Variants in HBG2 observed in about 807,000 individuals in gnomAD.
The protein encoded by HBG2 is hemoglobin subunit gamma 2.
For missense variants in HBG2, 59 were observed against 155.7 expected (o/e 0.38, Z 3.31); for synonymous variants, 25 against 63.2 (o/e 0.40, Z 2.87).
chr11:5,254,080 A>G (rs1342313352), intron 2 of HBG2, among the ~76,000 whole-genome samples: 12 of 151,966 alleles, frequency 7.9e-5, no homozygotes, highest in African/African-American at 2.7e-4. Flanking sequence ...CTTTTCTCAA[A>G]GTCAAAGTTG....
chr11:5,254,485 C>T lies in HBG2; in HGVS notation c.122G>A (p.Arg41Lys), dbSNP rs281864892. The change falls in exon 2 of 3, where the codon AGG becomes AAG. Residue 41 changes from arginine to lysine, a missense_variant. Coordinates refer to ENST00000336906, the MANE Select transcript of HBG2 (RefSeq NM_000184.3). Reference sequence around the variant, plus strand: ...CAGGTTGCCAAAGCTGTCAAAGAACCTCTGGGTCCATGGGTAGACAACCAG... The same window carrying T: ...CAGGTTGCCAAAGCTGTCAAAGAACTTCTGGGTCCATGGGTAGACAACCAG... The part of the protein sequence containing the change: ...RLLVVYPWTQ[R>K]FFDSFGNLSS... 9.3e-6 allele frequency: 15 copies of T among 1,613,764 alleles called. No individual in the cohort carries two copies. The highest frequency in any genetic ancestry group is 1.3e-5 in the African/African-American group (1 of 74,876).
chr11:5,253,487 A>C (rs2070972), intron 2 of HBG2, 82 bp from the exon 3 acceptor site: 608,250 of 1,256,676 alleles, frequency 0.48, 149,289 homozygotes, highest in East Asian at 0.74. Flanking sequence ...ACTACACACC[A>C]AGCTTCCACC....
Position 5,253,653 on chromosome 11 carries a change from C to T in HBG2, c.316-248G>A, listed in dbSNP as rs138690459. Among the ~76,000 whole-genome samples the T allele has an allele frequency of 3.7e-3, 562 of 151,494 alleles. 2 individuals carry two copies. Among genetic ancestry groups the T allele is most frequent in the Non-Finnish European group, 6.4e-3 (433 of 67,884 alleles). ...AACCCTGTATGCTGTAGGCTGAAAA[C>T]GTTAAAAGAAACACACGCTCTCACA... On this transcript the variant is annotated intron_variant, in intron 2 of 2. Transcript: ENST00000336906.
chr11:5,254,250 C>A, intron 2 of HBG2, 42 bp downstream of exon 2: 1 of 1,613,082 alleles, frequency 6.2e-7, no homozygotes, highest in Non-Finnish European at 8.5e-7. Flanking sequence ...TAAGTTGCCT[C>A]GAGACTAAAG....
intron 2 of HBG2, among the ~76,000 whole-genome samples, chr11:5,253,830 TAGC>T (rs1412572591): frequency 1.3e-5 from 2 of 152,026 alleles, no homozygotes; most frequent in African/African-American, 2.4e-5. Flanking sequence ...AATGAAGCAT[TAGC>T]AGCATTTTAT....
intron 2 of HBG2, 55 bp from the exon 3 acceptor site, chr11:5,253,460 A>G (rs1342366915): frequency 6.8e-7 from 1 of 1,475,014 alleles, no homozygotes; most frequent in East Asian, 2.3e-5. Flanking sequence ...TGAGAGCTCC[A>G]GCCTGGCCTC....
intron 2 of HBG2, among the ~76,000 whole-genome samples, chr11:5,253,608 G>C (rs575202869): frequency 6.6e-6 from 1 of 151,758 alleles, no homozygotes; most frequent in Non-Finnish European, 1.5e-5. Flanking sequence ...TTTAAATCTT[G>C]TTATCTTCTT....
Position 5,253,314 on chromosome 11 carries a change from G to C in HBG2, c.407C>G (p.Thr136Ser), listed in dbSNP as rs564272856. 1.9e-6 allele frequency: 3 copies of C among 1,614,112 alleles called. No individual in the cohort carries two copies. Among genetic ancestry groups the C allele is most frequent in the Non-Finnish European group, 2.5e-6 (3 of 1,179,996 alleles). ...GGAGGACAGGGCACTGGCCACTCCA[G>C]TCACCATCTTCTGCCAGGAAGCCTG... ...EVQASWQKMV[T>S]GVASALSSRY... Residue 136 changes from threonine (T) to serine (S), a missense_variant, in exon 3 of 3, where the codon ACT becomes AGT. Transcript: ENST00000336906.
At chr11:5,253,696 G>A (rs201366975) in intron 2 of HBG2, among the ~76,000 whole-genome samples, 7 of 56,350 alleles carry the variant, frequency 1.2e-4, no homozygotes, top group African/African-American at 1.7e-4. Context: ...AAACACACGC[G>A]CGCACACACA....
Position 5,254,281 on chromosome 11 carries a change from C to G in HBG2, c.315+11G>C. ...TAAAGGCAACAGTGCTGAAACATCT[C>G]CTGGACTCACCTTGAAGTTCTCAGG... On this transcript the variant is annotated intron_variant, in intron 2 of 2. Transcript: ENST00000336906. The G allele has an allele frequency of 6.2e-7, 1 of 1,614,272 alleles. No homozygotes were observed. The highest frequency in any genetic ancestry group is 8.5e-7 in the Non-Finnish European group (1 of 1,180,046).
At chr11:5,253,477 A>G (rs1212832088) in intron 2 of HBG2, 72 bp from the exon 3 acceptor site, 6 of 1,295,362 alleles carry the variant, frequency 4.6e-6, no homozygotes, top group Non-Finnish European at 6.7e-6. Context: ...CCTCCAGATA[A>G]CTACACACCA....
rs1847974140 is a variant in HBG2 at position 5,253,409 on chromosome 11, T to C, written c.316-4A>G. 2 of 1,612,260 alleles carry C rather than the reference T, an allele frequency of 1.2e-6. No homozygotes were observed. The highest frequency in any genetic ancestry group is 1.7e-6 in the Non-Finnish European group (2 of 1,178,586). On this transcript the variant is annotated splice_region_variant and splice_polypyrimidine_tract_variant and intron_variant, in intron 2 of 2. Transcript: ENST00000336906. ...TCACCAGCACATTTCCCAGGAGCTG[T>C]TGAGATGAAAGGAGACAATAAAGAT...
At chr11:5,253,961 C>T (rs1847985658) in intron 2 of HBG2, among the ~76,000 whole-genome samples, 2 of 152,018 alleles carry the variant, frequency 1.3e-5, no homozygotes, top group Admixed American at 6.5e-5. Flanking sequence ...CCATACTTGT[C>T]CTGCCTCCAG....
chr11:5,253,707 C>CACACACACACACACAA, intron 2 of HBG2, among the ~76,000 whole-genome samples: 1 of 151,504 alleles, frequency 6.6e-6, no homozygotes, highest in Non-Finnish European at 1.5e-5. Context: ...CGCACACACA[C>CACACACACACACACAA]ACACACACAC....
At chr11:5,253,673 C>T (rs2402328) in intron 2 of HBG2, among the ~76,000 whole-genome samples, 2 of 147,062 alleles carry the variant, frequency 1.4e-5, no homozygotes, top group Non-Finnish European at 2.9e-5. Context: ...AACACACGCT[C>T]TCACACACAC....
chr11:5,253,465 G>A, intron 2 of HBG2, 60 bp from the exon 3 acceptor site: 2 of 1,409,208 alleles, frequency 1.4e-6, no homozygotes, highest in Non-Finnish European at 2.0e-6. Flanking sequence ...GCTCCAGCCT[G>A]GCCTCCAGAT....
In HBG2 at chr11:5,254,324, C is replaced by T. The variant is rs35812514; in HGVS notation, c.283G>A (p.Asp95Asn). 6.2e-7 allele frequency: 1 copy of T among 1,614,306 alleles called. No homozygotes were observed. The highest frequency in any genetic ancestry group is 8.5e-7 in the Non-Finnish European group (1 of 1,180,056). Residue 95 changes from aspartate (D) to asparagine (N), a missense_variant, in exon 2 of 3, where the codon GAC becomes AAC. By Grantham distance (23) the Asp-to-Asn change is conservative. Coordinates refer to ENST00000336906, the MANE Select transcript of HBG2 (RefSeq NM_000184.3). Reference protein sequence around the residue: ...TFAQLSELHCDKLHVDPENFK... With the variant: ...TFAQLSELHCNKLHVDPENFK... ...TTCTCAGGATCCACATGCAGCTTGT[C>T]ACAGTGCAGTTCACTCAGCTGGGCA...
chr11:5,253,721 G>C (rs1453478142), intron 2 of HBG2, among the ~76,000 whole-genome samples: 39 of 73,894 alleles, frequency 5.3e-4, no homozygotes, highest in African/African-American at 1.1e-3. Flanking sequence ...CACACACACA[G>C]AGCTGACTTT....
intron 2 of HBG2, among the ~76,000 whole-genome samples, 182 bp from the exon 3 acceptor site, chr11:5,253,587 A>T (rs1337820837): frequency 6.6e-6 from 1 of 151,994 alleles, no homozygotes; most frequent in Non-Finnish European, 1.5e-5. Flanking sequence ...AGCACTAGTC[A>T]CTGGCCATAA....
Sources: gnomAD v4.1 joint callset for allele counts (sites outside exome capture counted in the v4.1 genomes callset) on GRCh38, gnomAD v4.1.1 for gene constraint, MANE v1.5 for transcripts, NCBI Gene and HGNC (gene_info 2026-07-23, HGNC 2026-07-21) for gene names.